The following VWA7 variants were observed in gnomAD, a reference collection of about 807,000 sequenced individuals.
VWA7 encodes the protein von Willebrand factor A domain containing 7.
Under a neutral mutation model 83.1 loss-of-function variants are expected in VWA7, and 66 were observed. The observed-to-expected ratio is 0.79, with a 90% CI of 0.65 to 0.98. The LOEUF is 0.98. Ranked by LOEUF, VWA7 falls within the 50% of genes least tolerant of loss-of-function variation. The pLI is 0.00. For missense variants in VWA7, 1,080 were observed against 1,160.2 expected, an observed-to-expected ratio of 0.93 and a Z score of 1.00; for synonymous variants, 424 against 488.5, an observed-to-expected ratio of 0.87 and a Z score of 1.74.
Position 31,773,344 on chromosome 6 carries a change from G to A in VWA7, c.815C>T (p.Pro272Leu). 2 of 1,608,146 alleles carry A rather than the reference G, an allele frequency of 1.2e-6. No homozygotes were observed. The highest frequency in any genetic ancestry group is 1.3e-5 in the African/African-American group (1 of 75,006). ...NKDSTSPGFS[P>L]HHMLHLQAAK... Reference sequence around the variant, plus strand: ...AGCCTGGAGGTGCAGCATGTGGTGAGGGGAGAAGCCTGGGGATGTGCTGTC... The same window carrying A: ...AGCCTGGAGGTGCAGCATGTGGTGAAGGGAGAAGCCTGGGGATGTGCTGTC... Residue 272 changes from proline to leucine, a missense_variant, in exon 6 of 17, where the codon CCT (proline) becomes CTT (leucine). Physicochemically the swap from Pro to Leu is moderately conservative, Grantham distance 98. Coordinates refer to ENST00000375688, the MANE Select transcript of VWA7 (RefSeq NM_025258.3). The surrounding 1 kb of genome is among the most constrained non-coding windows in gnomAD (Gnocchi z 5.3).
At chr6:31,774,725 G>T in intron 4 of VWA7, 99 bp from the exon 5 acceptor site, 3 of 983,092 alleles carry the variant, frequency 3.1e-6, no homozygotes, top group Non-Finnish European at 3.0e-6. Context: ...CAGCTGGGAT[G>T]AGGCGAACAC....
In VWA7 at chr6:31,770,037, A is replaced by G. The variant is rs758643890; in HGVS notation, c.1164T>C (p.Gly388=). 6.2e-7 allele frequency: 1 copy of G among 1,612,646 alleles called. No individual in the cohort carries two copies. The highest frequency in any genetic ancestry group is 8.5e-7 in the Non-Finnish European group (1 of 1,179,932). The change falls in exon 8 of 17, where the codon GGT becomes GGC. Residue 388 remains glycine (G), a synonymous_variant. Coordinates refer to ENST00000375688, the MANE Select transcript of VWA7 (RefSeq NM_025258.3). ...QQLNEIHALG[G]GDEPEMCLSA... Reference sequence around the variant, plus strand: ...ACAGGCACATCTCAGGCTCGTCTCCACCCCCCAAGGCATGGATCTCATTAA... The same window carrying G: ...ACAGGCACATCTCAGGCTCGTCTCCGCCCCCCAAGGCATGGATCTCATTAA...
chr6:31,776,290 G>C lies in VWA7; in HGVS notation c.235-48C>G, dbSNP rs780715005. 8 of 1,580,934 alleles carry C rather than the reference G, an allele frequency of 5.1e-6. No homozygotes were observed. Among genetic ancestry groups the C allele is most frequent in the Non-Finnish European group, 6.9e-6 (8 of 1,163,122 alleles). On this transcript the variant is annotated intron_variant, in intron 2 of 16. Transcript: ENST00000375688. The surrounding 1 kb of genome is among the most constrained non-coding windows in gnomAD (Gnocchi z 6.2). ...GGGCTCCAGGGAGGCCCTTTGGATTGACTGTTGCCCACCTTATCTCAGCAA... is the reference window on the plus strand; with the variant it reads ...GGGCTCCAGGGAGGCCCTTTGGATTCACTGTTGCCCACCTTATCTCAGCAA...
rs1812686030 is a variant in VWA7 at position 31,776,316 on chromosome 6, C to G, written c.235-74G>C. 3.9e-6 allele frequency: 6 copies of G among 1,551,588 alleles called. No individual in the cohort carries two copies. Among genetic ancestry groups the G allele is most frequent in the Non-Finnish European group, 2.6e-6 (3 of 1,148,216 alleles). On this transcript the variant is annotated intron_variant, in intron 2 of 16. Coordinates refer to ENST00000375688, the MANE Select transcript of VWA7 (RefSeq NM_025258.3). This position sits in a 1 kb window ranked among gnomAD's most constrained non-coding sequence, Gnocchi z 6.2. ...ACTGTTGCCCACCTTATCTCAGCAA[C>G]TGACACTCAAGGCTGGGTATGAGGG...
intron 5 of VWA7, among the ~76,000 whole-genome samples, chr6:31,774,313 C>T (rs1324575229): frequency 6.6e-6 from 1 of 152,050 alleles, no homozygotes; most frequent in African/African-American, 2.4e-5. Context: ...AGGGAGAAAT[C>T]CTATCAGCGG....
rs920499564 is a variant in VWA7, at chr6:31,767,219, A to C, written c.1821T>G (p.Phe607Leu). Residue 607 changes from phenylalanine to leucine, a missense_variant, in exon 13 of 17, where the codon TTT becomes TTG. Transcript: ENST00000375688. ...GGGGTCCATCCTCCATGGGGATCCC[A>C]AAGTGGAAGAGGAAGTCCAGGGAGG... ...AQTSLDFLFH[F>L]GIPMEDGPHP... 5.0e-6 allele frequency: 8 copies of C among 1,605,928 alleles called. No individual in the cohort carries two copies. Among genetic ancestry groups the C allele is most frequent in the Non-Finnish European group, 6.8e-6 (8 of 1,177,340 alleles).
In VWA7 at chr6:31,767,660, T is replaced by A. The variant is rs1241228317; in HGVS notation, c.1598A>T (p.His533Leu). The change falls in exon 11 of 17, where the codon CAC becomes CTC. Residue 533 changes from histidine (H) to leucine (L), a missense_variant. His to Leu is a moderately conservative substitution (Grantham distance 99). Coordinates refer to ENST00000375688, the MANE Select transcript of VWA7 (RefSeq NM_025258.3). ...GLLQKITVRI[H>L]GDISSFWIKN... ...GATCCAGAAGCTGCTGATGTCTCCG[T>A]GGATCCGGACTGTGATCTTCTGGAG... 1 of 1,613,408 alleles carries A rather than the reference T, an allele frequency of 6.2e-7. No homozygotes were observed. The highest frequency in any genetic ancestry group is 8.5e-7 in the Non-Finnish European group (1 of 1,179,484).
Position 31,766,546 on chromosome 6 carries a change from C to G in VWA7, c.2101G>C (p.Glu701Gln). The G allele has an allele frequency of 1.1e-5, 17 of 1,612,806 alleles. No individual in the cohort carries two copies. Among genetic ancestry groups the G allele is most frequent in the Non-Finnish European group, 1.4e-5 (16 of 1,179,946 alleles). ...LLSTPRPFSL[E>Q]LIGQDAAGRR... ...CCCGCTGCGTCCTGGCCAATCAGCT[C>G]CAGGGAGAAGGGTCTAGGGGTGGAC... Residue 701 changes from glutamate (E) to glutamine (Q), a missense_variant, in exon 14 of 17, where the codon GAG becomes CAG. Coordinates refer to ENST00000375688, the MANE Select transcript of VWA7 (RefSeq NM_025258.3). This position sits in a 1 kb window ranked among gnomAD's most constrained non-coding sequence, Gnocchi z 4.9.
At position 31,777,142 on chromosome 6, in the gene VWA7, G is replaced by A. The variant is rs1168225401; in HGVS notation, c.-49C>T. The stretch of plus-strand genomic sequence containing the variant: ...TGGGTCTCCTGGGCAGGGCTGGCCC[G>A]GGCTTGACGTCACAGGGCACTTAGG... On this transcript the variant is annotated 5_prime_UTR_variant, in exon 1 of 17. Coordinates refer to ENST00000375688, the MANE Select transcript of VWA7 (RefSeq NM_025258.3). This position sits in a 1 kb window ranked among gnomAD's most constrained non-coding sequence, Gnocchi z 5.8. The A allele has an allele frequency of 2.2e-5, 8 of 359,310 alleles. No homozygotes were observed. The highest frequency in any genetic ancestry group is 3.5e-5 in the Non-Finnish European group (7 of 198,818). The allele number at this position is 359,310 out of a possible 1,614,324, so 22.3% of individuals were successfully genotyped here.
Position 31,766,259 on chromosome 6 carries a change from G to T in VWA7, c.2310C>A (p.Thr770=), listed in dbSNP as rs761302820. 6.2e-7 allele frequency: 1 copy of T among 1,612,414 alleles called. No individual in the cohort carries two copies. The highest frequency in any genetic ancestry group is 8.5e-7 in the Non-Finnish European group (1 of 1,179,952). ...RTFVNPSFSL[T]SNLSRAHLEL... ...ATGAGCCTCACCTGGAGAGGTTGGA[G>T]GTGAGGGAGAAGCTGGGGTTGACGA... The change falls in exon 15 of 17, where the codon ACC becomes ACA. Residue 770 remains threonine (T), a synonymous_variant. Coordinates refer to ENST00000375688, the MANE Select transcript of VWA7 (RefSeq NM_025258.3). This position sits in a 1 kb window ranked among gnomAD's most constrained non-coding sequence, Gnocchi z 4.9.
Position 31,770,068 on chromosome 6 carries a change from T to A in VWA7, c.1133A>T (p.Gln378Leu). ...CAAGGCATGGATCTCATTAAGCTGT[T>A]GCCAGAAGCTGTCAGGGTCACTGGT... ...FTTSDPDSFWQQLNEIHALGG... is the reference protein window; with the variant it reads ...FTTSDPDSFWLQLNEIHALGG... The change falls in exon 8 of 17, where the codon CAA (glutamine) becomes CTA (leucine). Residue 378 changes from glutamine (Q) to leucine (L), a missense_variant. By Grantham distance (113) the Gln-to-Leu change is moderately radical (BLOSUM62 -2). Coordinates refer to ENST00000375688, the MANE Select transcript of VWA7 (RefSeq NM_025258.3). 6.2e-7 allele frequency: 1 copy of A among 1,612,852 alleles called. No individual in the cohort carries two copies. Among genetic ancestry groups the A allele is most frequent in the Non-Finnish European group, 8.5e-7 (1 of 1,179,994 alleles).
rs764384314 is a variant in VWA7 at position 31,766,497 on chromosome 6, G to A, written c.2150C>T (p.Pro717Leu). The A allele has an allele frequency of 1.9e-6, 3 of 1,603,916 alleles. No individual in the cohort carries two copies. Among genetic ancestry groups the A allele is most frequent in the Non-Finnish European group, 8.5e-7 (1 of 1,174,396 alleles). Reference sequence around the variant, plus strand: ...GACAGGGACTACAGTGCTAGGCTGAGGGGCAGCCCTGTGCAGGCGCCGCCC... The same window carrying A: ...GACAGGGACTACAGTGCTAGGCTGAAGGGCAGCCCTGTGCAGGCGCCGCCC... Reference protein sequence around the residue: ...AAGRRLHRAAPQPSTVVPVLL... With the variant: ...AAGRRLHRAALQPSTVVPVLL... The change falls in exon 14 of 17, where the codon CCT becomes CTT. Residue 717 changes from proline to leucine, a missense_variant. Coordinates refer to ENST00000375688, the MANE Select transcript of VWA7 (RefSeq NM_025258.3). This position sits in a 1 kb window ranked among gnomAD's most constrained non-coding sequence, Gnocchi z 4.9.
At position 31,765,614 on chromosome 6, in the gene VWA7, G is replaced by T. The variant is rs1811438130; in HGVS notation, c.2656C>A (p.Leu886Ile). Residue 886 changes from leucine (L) to isoleucine (I), a missense_variant, in exon 17 of 17, where the codon CTA becomes ATA. Transcript: ENST00000375688. Reference protein sequence around the residue: ...WGTVGGVLLLLGLASW With the variant: ...WGTVGGVLLLIGLASW ...TTGTGTCACCAGGAGGCCAGGCCTA[G>T]CAGAAGCAGCACCCCTCCAACTGTG... 2 of 1,611,056 alleles carry T rather than the reference G, an allele frequency of 1.2e-6. No homozygotes were observed. The highest frequency in any genetic ancestry group is 2.2e-5 in the South Asian group (2 of 90,758).
chr6:31,768,450 T>C (rs1811847678), intron 10 of VWA7, among the ~76,000 whole-genome samples: 1 of 151,736 alleles, frequency 6.6e-6, no homozygotes, highest in African/African-American at 2.4e-5. Flanking sequence ...CTCTGCAAAA[T>C]ACAAGCCACC....
In VWA7 at chr6:31,776,169, G is replaced by A. The variant is rs764623962; in HGVS notation, c.308C>T (p.Ala103Val). The change falls in exon 3 of 17, where the codon GCC becomes GTC. Residue 103 changes from alanine to valine, a missense_variant. Coordinates refer to ENST00000375688, the MANE Select transcript of VWA7 (RefSeq NM_025258.3). The surrounding 1 kb of genome is among the most constrained non-coding windows in gnomAD (Gnocchi z 6.2). ...ATTGGCACGAGACACCTCACCTAAG[G>A]CTGCTCGGAACCGCCGAGAAGAACC... Reference protein sequence around the residue: ...GPGSSRRFRAALGEVSRANAA... With the variant: ...GPGSSRRFRAVLGEVSRANAA... The A allele has an allele frequency of 2.0e-5, 33 of 1,613,944 alleles. No individual in the cohort carries two copies. The highest frequency in any genetic ancestry group is 2.6e-5 in the Non-Finnish European group (31 of 1,180,038).
intron 7 of VWA7, among the ~76,000 whole-genome samples, 158 bp downstream of exon 7, chr6:31,772,796 T>A (rs1424980037): frequency 6.6e-6 from 1 of 151,396 alleles, no homozygotes; most frequent in African/African-American, 2.4e-5. Context: ...ACGGGGTTTC[T>A]CCATATTAGT....
Position 31,773,084 on chromosome 6 carries a change from G to A in VWA7, c.957C>T (p.Val319=). ...DITPASSLSF[V]LDTTGSMGEE... ...CACCCATGCTGCCCGTGGTGTCCAGGACAAAGCTCAGGCTGGAGGCTGGGG... is the reference window on the plus strand; with the variant it reads ...CACCCATGCTGCCCGTGGTGTCCAGAACAAAGCTCAGGCTGGAGGCTGGGG... The change falls in exon 7 of 17, where the codon GTC becomes GTT. Residue 319 remains valine, a synonymous_variant. Transcript: ENST00000375688. The surrounding 1 kb of genome is among the most constrained non-coding windows in gnomAD (Gnocchi z 5.3). 6.2e-7 allele frequency: 1 copy of A among 1,612,274 alleles called. No homozygotes were observed.
chr6:31,769,836 G>T lies in VWA7; in HGVS notation c.1201-45C>A. ...CCAGTGTTAACAATGGCAGTAGGAGGGGAATGGGTAGAGCCACGGAGGATG... is the reference window on the plus strand; with the variant it reads ...CCAGTGTTAACAATGGCAGTAGGAGTGGAATGGGTAGAGCCACGGAGGATG... On this transcript the variant is annotated intron_variant, in intron 8 of 16. Transcript: ENST00000375688. The surrounding 1 kb of genome is among the most constrained non-coding windows in gnomAD (Gnocchi z 4.5). The T allele has an allele frequency of 6.3e-7, 1 of 1,578,598 alleles. No homozygotes were observed. The highest frequency in any genetic ancestry group is 1.1e-5 in the South Asian group (1 of 90,358).
At chr6:31,774,865 A>T (rs1375739229) in intron 4 of VWA7, among the ~76,000 whole-genome samples, 4 of 152,136 alleles carry the variant, frequency 2.6e-5, no homozygotes, top group Non-Finnish European at 4.4e-5. Context: ...TCACGACTGT[A>T]ATCCCAGCAC....
Sources: gnomAD v4.1 joint callset for allele counts (sites outside exome capture counted in the v4.1 genomes callset) on GRCh38, gnomAD v4.1.1 for gene constraint, Gnocchi (gnomAD v3.1) non-coding constraint, MANE v1.5 for transcripts, NCBI Gene and HGNC (gene_info 2026-07-23, HGNC 2026-07-21) for gene names.